UFD1: variants seen among roughly 807,000 people sequenced by gnomAD.
The protein encoded by UFD1 is ubiquitin recognition factor in ER-associated degradation protein 1.
A neutral mutation model predicts 45.9 loss-of-function variants in UFD1; 13 were observed. The ratio of observed to expected loss-of-function variants is 0.28; its 90% CI spans 0.18 to 0.45. The LOEUF (loss-of-function observed/expected upper bound fraction) is 0.45. Ranked by LOEUF, UFD1 falls within the 20% of genes least tolerant of loss-of-function variation. The pLI is 1.00. For synonymous variants in UFD1, 128 were observed against 139.2 expected (o/e 0.92, Z 0.56); for missense variants, 218 against 389.2 (o/e 0.56, Z 3.70).
intron 11 of UFD1, chr22:19,451,001 A>G (rs902560738): frequency 3.6e-6 from 4 of 1,109,988 alleles, no homozygotes; most frequent in South Asian, 2.3e-5. Flanking sequence ...GTATGTGCCT[A>G]TGATCCCAGC....
intron 11 of UFD1, chr22:19,453,315 G>C (rs2089697525): frequency 2.0e-6 from 2 of 985,380 alleles, no homozygotes; most frequent in East Asian, 1.1e-4. Flanking sequence ...CTCTTCCACT[G>C]TCTTTCTTAC....
At chr22:19,465,697 G>A (rs2089797001) in intron 5 of UFD1, 1 of 161,152 alleles carries the variant, frequency 6.2e-6, no homozygotes, top group South Asian at 1.8e-4. Flanking sequence ...CAAACTGGCT[G>A]AACTGTGTGC....
At position 19,456,856 on chromosome 22, in the gene UFD1, C is replaced by A; in HGVS notation, c.627G>T (p.Ser209=). The change falls in exon 8 of 12, where the codon TCG becomes TCT. Residue 209 remains serine (S), a synonymous_variant. Coordinates refer to ENST00000263202, the MANE Select transcript of UFD1 (RefSeq NM_005659.7). ...EPERQVQHEE[S]TEGEADHSGY... ...GGACACTGAGGATAACACTTACTGT[C>A]GACTCCTCATGCTGGACTTGTCTTT... is the stretch of plus-strand genomic sequence containing the variant. The A allele has an allele frequency of 1.2e-6, 2 of 1,613,870 alleles. No individual in the cohort carries two copies. Among genetic ancestry groups the A allele is most frequent in the African/African-American group, 1.3e-5 (1 of 75,048 alleles).
intron 6 of UFD1, among the ~76,000 whole-genome samples, chr22:19,461,370 T>C (rs919364117): frequency 1.3e-5 from 2 of 152,234 alleles, no homozygotes; most frequent in African/African-American, 2.4e-5. Context: ...CCTGGTGACA[T>C]CAATGCTGCC....
At chr22:19,478,927 T>C (rs1247825580) in intron 1 of UFD1, 156 bp downstream of exon 1, 25 of 1,032,934 alleles carry the variant, frequency 2.4e-5, no homozygotes, top group Non-Finnish European at 3.3e-5. Flanking sequence ...TCAAGGGTCC[T>C]GCTTGTGCCC....
At chr22:19,471,935 T>G (rs1321460085) in intron 3 of UFD1, 127 bp from the exon 4 acceptor site, 1 of 1,332,906 alleles carries the variant, frequency 7.5e-7, no homozygotes, top group East Asian at 2.4e-5. Flanking sequence ...GGCAGATGAA[T>G]CCCCCTCTGT....
chr22:19,459,901 G>C (rs1380859516), intron 6 of UFD1, among the ~76,000 whole-genome samples: 1 of 151,796 alleles, frequency 6.6e-6, no homozygotes, highest in Non-Finnish European at 1.5e-5. Flanking sequence ...ACCACACCCA[G>C]CTAATTTTTG....
In UFD1 at chr22:19,479,125, T is replaced by A. The variant is rs371563414; in HGVS notation, c.-40A>T. 1.3e-6 allele frequency: 2 copies of A among 1,599,712 alleles called. No individual in the cohort carries two copies. The highest frequency in any genetic ancestry group is 1.7e-6 in the Non-Finnish European group (2 of 1,172,474). Reference sequence around the variant, plus strand: ...GGCAGACTCCGCTCCTCTCAGGCAATGCAACGAAGAAACCCCGCCGACCGC... The same window carrying A: ...GGCAGACTCCGCTCCTCTCAGGCAAAGCAACGAAGAAACCCCGCCGACCGC... On this transcript the variant is annotated 5_prime_UTR_variant, in exon 1 of 12. Coordinates refer to ENST00000263202, the MANE Select transcript of UFD1 (RefSeq NM_005659.7).
At chr22:19,461,298 T>C (rs1162184628) in intron 6 of UFD1, among the ~76,000 whole-genome samples, 2 of 152,238 alleles carry the variant, frequency 1.3e-5, no homozygotes, top group African/African-American at 4.8e-5. Context: ...AGGAACTCAA[T>C]TTGTTTTTTC....
intron 3 of UFD1, 82 bp downstream of exon 3, chr22:19,474,986 G>T: frequency 7.4e-7 from 1 of 1,350,258 alleles, no homozygotes; most frequent in Non-Finnish European, 1.0e-6. Flanking sequence ...ACTGGTGTCT[G>T]GATGTACTGA....
At chr22:19,465,054 AC>A (rs2089792275) in intron 6 of UFD1, 147 bp downstream of exon 6, 1 of 700,022 alleles carries the variant, frequency 1.4e-6, no homozygotes, top group Non-Finnish European at 2.4e-6. Flanking sequence ...CTAAATATGA[AC>A]CCGGGAAAAC....
rs1212723332 is a variant in UFD1, at chr22:19,475,560, G to A, written c.46C>T (p.Gln16Ter). 2 of 1,614,082 alleles carry A rather than the reference G, an allele frequency of 1.2e-6. No individual in the cohort carries two copies. Among genetic ancestry groups the A allele is most frequent in the Non-Finnish European group, 1.7e-6 (2 of 1,180,036 alleles). Reference sequence around the variant, plus strand: ...CGGTACTGTGTGGAGAAGCGGTTTTGGAAGACCCTGGGAATAGGGTGGTCG... The same window carrying A: ...CGGTACTGTGTGGAGAAGCGGTTTTAGAAGACCCTGGGAATAGGGTGGTCG... ...MFDHPIPRVF[Q>*]NRFSTQYRCF... The change falls in exon 2 of 12, where the codon CAA (glutamine) becomes TAA (stop). Residue 16 changes from glutamine (Q) to a stop codon, truncating the protein, a stop_gained. Coordinates refer to ENST00000263202, the MANE Select transcript of UFD1 (RefSeq NM_005659.7). LOFTEE classifies it high-confidence loss of function.
chr22:19,456,660 G>T, intron 8 of UFD1, 26 bp from the exon 9 acceptor site: 2 of 1,614,130 alleles, frequency 1.2e-6, no homozygotes, highest in Non-Finnish European at 8.5e-7. Context: ...AAAAACAGGT[G>T]AGCTCCTCAG....
chr22:19,463,961 C>A (rs554458830), intron 6 of UFD1, among the ~76,000 whole-genome samples: 133 of 152,204 alleles, frequency 8.7e-4, no homozygotes, highest in African/African-American at 2.2e-3. Flanking sequence ...ACATTAAAAA[C>A]AATAACATTA....
At chr22:19,477,665 G>T (rs1366063883) in intron 1 of UFD1, among the ~76,000 whole-genome samples, 2 of 148,398 alleles carry the variant, frequency 1.3e-5, no homozygotes, top group Non-Finnish European at 3.0e-5. Flanking sequence ...CGGTTAAGAT[G>T]ATAAAAATTT....
At chr22:19,463,236 T>C (rs1288164687) in intron 6 of UFD1, among the ~76,000 whole-genome samples, 1 of 152,238 alleles carries the variant, frequency 6.6e-6, no homozygotes, top group Non-Finnish European at 1.5e-5. Flanking sequence ...GTCTTCAACA[T>C]CTCAAGCTCT....
intron 5 of UFD1, chr22:19,465,528 G>A: frequency 2.2e-6 from 1 of 457,512 alleles, no homozygotes; most frequent in African/African-American, 2.0e-5. Flanking sequence ...ACCACAAAAG[G>A]GCAGTGAGAT....
At chr22:19,470,826 C>T (rs770936257) in intron 4 of UFD1, 2 of 466,238 alleles carry the variant, frequency 4.3e-6, no homozygotes, top group Admixed American at 4.5e-5. Flanking sequence ...GATAGGGCAT[C>T]AGCAGGAGAG....
At chr22:19,467,811 T>G in intron 5 of UFD1, 62 bp downstream of exon 5, 1 of 1,599,240 alleles carries the variant, frequency 6.3e-7, no homozygotes, top group Non-Finnish European at 8.5e-7. Context: ...GTACATGATG[T>G]TTAACAACCG....
Sources: allele counts gnomAD v4.1 joint callset (sites outside exome capture counted in the v4.1 genomes callset), GRCh38; gene constraint gnomAD v4.1.1; transcripts MANE v1.5; gene names NCBI Gene and HGNC (gene_info 2026-07-23, HGNC 2026-07-21).